Variants in SPIDR observed in about 807,000 individuals in gnomAD.
The protein encoded by SPIDR is scaffold protein involved in DNA repair, also known as DNA repair-scaffolding protein.
In SPIDR, 93 loss-of-function variants were observed where a neutral mutation model predicts 104.6. That is an observed-to-expected ratio of 0.89 (90% CI 0.75 to 1.06). The LOEUF (loss-of-function observed/expected upper bound fraction) is 1.06, where lower values mean the gene tolerates loss of function less well. SPIDR is among the 50% of genes least tolerant of loss of function. SPIDR has a pLI of 0.00. For missense variants in SPIDR, 1,154 were observed against 1,111.2 expected (o/e 1.04, Z -0.55); for synonymous variants, 431 against 416.9 (o/e 1.03, Z -0.41).
chr8:47,358,873 A>G (rs1457435657), intron 5 of SPIDR, among the ~76,000 whole-genome samples: 2 of 152,178 alleles, frequency 1.3e-5, no homozygotes, highest in Non-Finnish European at 2.9e-5. Context: ...CCATTGCAGC[A>G]CAAATAAATC....
At chr8:47,429,053 A>G (rs1356116171) in intron 7 of SPIDR, among the ~76,000 whole-genome samples, 2 of 152,176 alleles carry the variant, frequency 1.3e-5, no homozygotes, top group African/African-American at 4.8e-5. Flanking sequence ...AGGCTGAACT[A>G]TTCAAGTCAG....
chr8:47,610,784 G>A (rs1015112485), intron 10 of SPIDR, among the ~76,000 whole-genome samples: 1 of 152,212 alleles, frequency 6.6e-6, no homozygotes, highest in Non-Finnish European at 1.5e-5. Flanking sequence ...CTCACTTGCT[G>A]CTCTGGCACT....
chr8:47,307,148 C>T (rs971710637), intron 5 of SPIDR, among the ~76,000 whole-genome samples: 49 of 150,868 alleles, frequency 3.2e-4, no homozygotes, highest in Non-Finnish European at 6.6e-4. Flanking sequence ...TTGTGGGGGC[C>T]CTCATTTCCT....
chr8:47,708,321 A>T (rs573860309), intron 14 of SPIDR, among the ~76,000 whole-genome samples: 2 of 152,062 alleles, frequency 1.3e-5, no homozygotes, highest in Non-Finnish European at 2.9e-5. Context: ...ACAAACAAAA[A>T]ACTTTCCCTG....
intron 15 of SPIDR, 145 bp downstream of exon 15, chr8:47,713,017 G>T: frequency 7.0e-7 from 1 of 1,424,366 alleles, no homozygotes; most frequent in Non-Finnish European, 9.1e-7. Context: ...CCATGTACCA[G>T]CCTCCAGCCT....
At chr8:47,582,532 CTA>C (rs1286822044) in intron 8 of SPIDR, among the ~76,000 whole-genome samples, 4 of 152,188 alleles carry the variant, frequency 2.6e-5, no homozygotes, top group Non-Finnish European at 5.9e-5. Context: ...TTTCTTAAGT[CTA>C]TTAAATTGTT....
intron 10 of SPIDR, among the ~76,000 whole-genome samples, chr8:47,620,671 G>A (rs762362204): frequency 4.6e-5 from 7 of 152,054 alleles, no homozygotes; most frequent in Non-Finnish European, 2.9e-5. Context: ...AGGCTGGAGT[G>A]CAGTGGCGTG....
At chr8:47,267,949 C>T (rs1369359335) in intron 1 of SPIDR, among the ~76,000 whole-genome samples, 1 of 152,102 alleles carries the variant, frequency 6.6e-6, no homozygotes, top group Non-Finnish European at 1.5e-5. Flanking sequence ...TGTTTTCTTC[C>T]AAGAGTTACA....
rs369267290 is a variant in SPIDR at position 47,712,763 on chromosome 8, C to T, written c.2079C>T (p.Thr693=). ...KEERDPRLPK[T]LLVYVAPLCV... ...AGAGAGACCCCAGGCTCCCCAAAACCCTGCTGGTCTATGTGGCCCCCTTGT... is the reference window on the plus strand; with the variant it reads ...AGAGAGACCCCAGGCTCCCCAAAACTCTGCTGGTCTATGTGGCCCCCTTGT... Residue 693 remains threonine, a synonymous_variant, in exon 15 of 20, where the codon ACC becomes ACT. Transcript: ENST00000297423. 3.3e-5 allele frequency: 54 copies of T among 1,614,024 alleles called. No homozygotes were observed. The highest frequency in any genetic ancestry group is 4.4e-5 in the Non-Finnish European group (52 of 1,180,042).
chr8:47,440,528 G>A lies in SPIDR; in HGVS notation c.1083G>A (p.Arg361=). 1 of 1,613,988 alleles carries A rather than the reference G, an allele frequency of 6.2e-7. No homozygotes were observed. The highest frequency in any genetic ancestry group is 8.5e-7 in the Non-Finnish European group (1 of 1,179,902). ...GGGGCCGTCCCCAGGACACTGTCCG[G>A]ATCTTCCCTCCCTGGTGAGTGCGCA... ...YLRGRPQDTV[R]IFPPWQKLII... The change falls in exon 8 of 20, where the codon CGG becomes CGA. Residue 361 remains arginine, a synonymous_variant. Coordinates refer to ENST00000297423, the MANE Select transcript of SPIDR (RefSeq NM_001080394.4).
intron 11 of SPIDR, among the ~76,000 whole-genome samples, chr8:47,677,753 G>T (rs1400714782): frequency 2.6e-5 from 4 of 152,196 alleles, no homozygotes; most frequent in African/African-American, 9.7e-5. Context: ...TTAGCTGACT[G>T]ATCTCAGAAG....
intron 17 of SPIDR, 70 bp downstream of exon 17, chr8:47,727,363 C>A: frequency 7.1e-7 from 1 of 1,404,976 alleles, no homozygotes; most frequent in Non-Finnish European, 1.0e-6. Flanking sequence ...GCCCCAGAAC[C>A]TGGGCCTTGC....
chr8:47,429,363 C>T (rs1244642415), intron 7 of SPIDR, among the ~76,000 whole-genome samples: 3 of 152,134 alleles, frequency 2.0e-5, no homozygotes, highest in African/African-American at 7.2e-5. Context: ...TCTGTGGCCC[C>T]CCACCTCCGT....
intron 8 of SPIDR, among the ~76,000 whole-genome samples, chr8:47,553,906 T>C (rs1371884027): frequency 6.6e-6 from 1 of 152,232 alleles, no homozygotes; most frequent in East Asian, 1.9e-4. Context: ...TCTTTGATGA[T>C]GGTGATGTAC....
chr8:47,515,568 C>T (rs1348911363), intron 8 of SPIDR, among the ~76,000 whole-genome samples: 1 of 152,130 alleles, frequency 6.6e-6, no homozygotes, highest in Non-Finnish European at 1.5e-5. Flanking sequence ...ATCTTAGGAC[C>T]AGAATAGTGA....
intron 16 of SPIDR, among the ~76,000 whole-genome samples, chr8:47,719,856 T>C (rs1467143759): frequency 2.0e-5 from 3 of 152,160 alleles, no homozygotes; most frequent in African/African-American, 4.8e-5. Context: ...GAGCCAGGGC[T>C]CCCATGCCCC....
chr8:47,608,699 T>A (rs929196731), intron 10 of SPIDR, among the ~76,000 whole-genome samples: 3 of 152,218 alleles, frequency 2.0e-5, no homozygotes, highest in Admixed American at 2.0e-4. Context: ...TCCTGATGAC[T>A]AACAATGTTG....
intron 5 of SPIDR, among the ~76,000 whole-genome samples, chr8:47,369,540 G>T (rs868979247): frequency 6.6e-6 from 1 of 152,060 alleles, no homozygotes; most frequent in Non-Finnish European, 1.5e-5. Context: ...TCTGTCTTGG[G>T]TGCCTATGTT....
chr8:47,554,456 G>A (rs182382177), intron 8 of SPIDR, among the ~76,000 whole-genome samples: 2 of 152,282 alleles, frequency 1.3e-5, no homozygotes, highest in East Asian at 1.9e-4. Flanking sequence ...AATGGCAGAC[G>A]TCCCTCCCCC....
Sources: gnomAD v4.1 joint callset for allele counts (sites outside exome capture counted in the v4.1 genomes callset) on GRCh38, gnomAD v4.1.1 for gene constraint, MANE v1.5 for transcripts, NCBI Gene and HGNC (gene_info 2026-07-23, HGNC 2026-07-21) for gene names.